Variants in RHD observed in about 807,000 individuals in gnomAD.
RHD encodes Rh blood group D antigen.
Under a neutral mutation model 45.5 loss-of-function variants are expected in RHD, and 16 were observed. The ratio of observed to expected loss-of-function variants is 0.35; its 90% CI spans 0.24 to 0.53. The LOEUF is 0.53. RHD is among the 20% of genes least tolerant of loss of function. The pLI is 0.92. For missense variants in RHD, 306 were observed against 532.0 expected (o/e 0.58, Z 4.18); for synonymous variants, 131 against 217.5 (o/e 0.60, Z 3.50).
Position 25,321,924 on chromosome 1 carries a change from C to T in RHD, c.1189C>T (p.His397Tyr). Reference protein sequence around the residue: ...LLNLKIWKAPHEAKYFDDQVF... With the variant: ...LLNLKIWKAPYEAKYFDDQVF... ...AAATCTTAAAATATGGAAAGCACCT[C>T]ATGAGGCTAAATATTTTGATGACCA... The change falls in exon 9 of 10, where the codon CAT becomes TAT. Residue 397 changes from histidine (H) to tyrosine (Y), a missense_variant. His to Tyr is a moderately conservative substitution (Grantham distance 83). Coordinates refer to ENST00000328664, the MANE Select transcript of RHD (RefSeq NM_016124.6). 1 of 1,337,832 alleles carries T rather than the reference C, an allele frequency of 7.5e-7. No homozygotes were observed. The allele number at this position is 1,337,832 out of a possible 1,614,324, so 82.9% of individuals were successfully genotyped here.
chr1:25,308,012 G>A (rs1416160556), intron 7 of RHD, among the ~76,000 whole-genome samples: 1 of 91,650 alleles, frequency 1.1e-5, no homozygotes, highest in Non-Finnish European at 2.7e-5. Flanking sequence ...TCACATGCCT[G>A]TAGAGAACAG....
At position 25,318,110 on chromosome 1, in the gene RHD, A is replaced by C. The variant is rs551011718; in HGVS notation, c.1153+1031A>C. 2 of 128,520 alleles carry C rather than the reference A, an allele frequency of 1.6e-5. 1 individual carries two copies. Among genetic ancestry groups the C allele is most frequent in the Admixed American group, 1.5e-4 (2 of 13,156 alleles). 8.0% of individuals were successfully genotyped at this position (128,520 alleles called of 1,614,324 possible). On this transcript the variant is annotated intron_variant, in intron 8 of 9. Coordinates refer to ENST00000328664, the MANE Select transcript of RHD (RefSeq NM_016124.6). ...GACCGAAGTGGGCAGATCATCTGAG[A>C]TCAGGATTCAAGACCAGCATGGCCA... is the stretch of plus-strand genomic sequence containing the variant.
Position 25,322,002 on chromosome 1 carries a change from C to A in RHD, c.1227+40C>A, listed in dbSNP as rs569625618. 482 of 1,021,816 alleles carry A rather than the reference C, an allele frequency of 4.7e-4. 27 individuals carry two copies. In the East Asian group the frequency reaches 0.011, roughly 22 times the overall value. The allele number at this position is 1,021,816 out of a possible 1,614,324, so 63.3% of individuals were successfully genotyped here. A position where few individuals can be genotyped will look rare whatever the true frequency, so the allele number is the denominator to read the frequency against. On this transcript the variant is annotated intron_variant, in intron 9 of 9. Transcript: ENST00000328664. ...CTATTAACGTGATAGATTTTGAGTG[C>A]ATGAACTTAAAAACATACCTGAGTA...
intron 7 of RHD, among the ~76,000 whole-genome samples, chr1:25,307,216 G>C (rs567998537): frequency 7.6e-6 from 1 of 132,290 alleles, no homozygotes; most frequent in South Asian, 2.3e-4. Flanking sequence ...GACATGCTAA[G>C]CACAACCCAT....
chr1:25,283,732 T>A (rs1390203368), intron 1 of RHD, among the ~76,000 whole-genome samples: 1 of 133,996 alleles, frequency 7.5e-6, no homozygotes, highest in Admixed American at 7.2e-5. Context: ...TAGGCTGTTA[T>A]AAAGCTCAGA....
chr1:25,321,643 C>G (rs1227682412), intron 8 of RHD, among the ~76,000 whole-genome samples: 1 of 119,424 alleles, frequency 8.4e-6, no homozygotes, highest in African/African-American at 2.7e-5. Flanking sequence ...GTACTCCAGC[C>G]TGGGCGATAG....
rs139204055 is a variant in RHD, at chr1:25,295,931, T to C, written c.487-5015T>C. On this transcript the variant is annotated intron_variant, in intron 3 of 9. Coordinates refer to ENST00000328664, the MANE Select transcript of RHD (RefSeq NM_016124.6). Reference sequence around the variant, plus strand: ...AGGCTGGATTGCAATGTTGCAATCTTGGCTCACTGCAACTTCTGCCTTCCA... The same window carrying C: ...AGGCTGGATTGCAATGTTGCAATCTCGGCTCACTGCAACTTCTGCCTTCCA... Among the ~76,000 whole-genome samples the C allele has an allele frequency of 6.8e-3, 781 of 115,372 alleles. 83 individuals are homozygous for C. The highest frequency in any genetic ancestry group is 0.02 in the African/African-American group (647 of 33,010). 75.7% of individuals were successfully genotyped at this position (115,372 alleles called of 152,430 possible).
intron 7 of RHD, among the ~76,000 whole-genome samples, chr1:25,314,893 GT>G (rs2124077003): frequency 7.6e-6 from 1 of 130,790 alleles, no homozygotes; most frequent in African/African-American, 2.6e-5. Flanking sequence ...TTTATGTTTA[GT>G]TCTTTTATGT....
chr1:25,330,405 C>T lies in RHD; in HGVS notation c.*1481C>T, dbSNP rs538831538. ...GGCAGACCAAGGTTCTTTTTGTTTA[C>T]ATAATACTTGAAAAATAAAAATGAA... On this transcript the variant is annotated 3_prime_UTR_variant, in exon 10 of 10. Transcript: ENST00000328664. 1.6e-4 allele frequency: 21 copies of T among 133,040 alleles called. 2 individuals carry two copies. The highest frequency in any genetic ancestry group is 5.4e-4 in the African/African-American group (21 of 39,106). The allele number at this position is 133,040 out of a possible 1,614,324, so 8.2% of individuals were successfully genotyped here.
intron 7 of RHD, chr1:25,307,797 T>C: frequency 7.7e-7 from 1 of 1,299,978 alleles, no homozygotes; most frequent in Non-Finnish European, 1.1e-6. Flanking sequence ...CCCCAAATTA[T>C]AGGGATCACA....
Position 25,328,936 on chromosome 1 carries a change from C to T in RHD, c.*12C>T, listed in dbSNP as rs774266508. On this transcript the variant is annotated 3_prime_UTR_variant, in exon 10 of 10. Coordinates refer to ENST00000328664, the MANE Select transcript of RHD (RefSeq NM_016124.6). ...CTGTTGGATTTTAAGCAAAAGCATC[C>T]AAGAAAAACAAGGCCTGTTCAAAAA... The T allele has an allele frequency of 7.6e-7, 1 of 1,309,200 alleles. No homozygotes were observed. Among genetic ancestry groups the T allele is most frequent in the South Asian group, 1.2e-5 (1 of 82,720 alleles). 81.1% of individuals were successfully genotyped at this position (1,309,200 alleles called of 1,614,324 possible).
At chr1:25,272,961 C>T (rs1395838156) in intron 1 of RHD, among the ~76,000 whole-genome samples, 3 of 132,020 alleles carry the variant, frequency 2.3e-5, no homozygotes, top group African/African-American at 7.7e-5. Flanking sequence ...CCTCAAATTC[C>T]CTCTACCAAA....
At chr1:25,307,821 G>C in intron 7 of RHD, 1 of 1,302,762 alleles carries the variant, frequency 7.7e-7, no homozygotes, top group South Asian at 1.3e-5. Context: ...CAGTGGGTGA[G>C]ACATCCTTGC....
rs141540728 is a variant in RHD at position 25,301,539 on chromosome 1, G to A, written c.654G>A (p.Met218Ile). The A allele has an allele frequency of 7.3e-7, 1 of 1,378,716 alleles. No homozygotes were observed. Among genetic ancestry groups the A allele is most frequent in the African/African-American group, 1.4e-5 (1 of 70,148 alleles). 85.4% of individuals were successfully genotyped at this position (1,378,716 alleles called of 1,614,324 possible). A position where few individuals can be genotyped will look rare whatever the true frequency, so the allele number is the denominator to read the frequency against. ...SAMLGALFLWMFWPSFNSALL... is the reference protein window; with the variant it reads ...SAMLGALFLWIFWPSFNSALL... ...CCCCAGGCGCCCTCTTCTTGTGGAT[G>A]TTCTGGCCAAGTTTCAACTCTGCTC... The change falls in exon 5 of 10, where the codon ATG (methionine) becomes ATA (isoleucine). Residue 218 changes from methionine (M) to isoleucine (I), a missense_variant. By Grantham distance (10) the Met-to-Ile change is conservative. Coordinates refer to ENST00000328664, the MANE Select transcript of RHD (RefSeq NM_016124.6).
rs1459379614 is a variant in RHD, at chr1:25,329,246, T to TC, written c.*322_*323insC. The TC allele has an allele frequency of 1.6e-6, 1 of 634,340 alleles. No homozygotes were observed. The highest frequency in any genetic ancestry group is 3.3e-5 in the Admixed American group (1 of 29,928). The allele number at this position is 634,340 out of a possible 1,614,324, so 39.3% of individuals were successfully genotyped here. ...TTTATTATTATTCCTTGTTTTTTTT[T>TC]TTTTTTTTTTTTTTTTGAGATGTAG... On this transcript the variant is annotated 3_prime_UTR_variant, in exon 10 of 10. Transcript: ENST00000328664.
rs1251726450 is a variant in RHD at position 25,292,033 on chromosome 1, G to T, written c.486+1242G>T. On this transcript the variant is annotated intron_variant, in intron 3 of 9. Coordinates refer to ENST00000328664, the MANE Select transcript of RHD (RefSeq NM_016124.6). ...AGGCTGGGGTTTGCATCCCAGCTCT[G>T]CCATAAATCCCTGTGTGACTCTGGG... 3.5e-4 allele frequency among the ~76,000 whole-genome samples: 46 copies of T among 132,800 alleles called. 8 individuals are homozygous for T. Among genetic ancestry groups the T allele is most frequent in the African/African-American group, 1.2e-3 (45 of 38,996 alleles). 87.1% of individuals were successfully genotyped at this position (132,800 alleles called of 152,430 possible).
rs200563434 is a variant in RHD, at chr1:25,314,438, TG to T, written c.1074-2561del. On this transcript the variant is annotated intron_variant, in intron 7 of 9. Transcript: ENST00000328664. ...GTGTTCTGTCTTTTTCTTATTGATTTGTAGGAATTCCTTACGTATCCTGGAT... is the reference window on the plus strand; with the variant it reads ...GTGTTCTGTCTTTTTCTTATTGATTTTAGGAATTCCTTACGTATCCTGGAT... Among the ~76,000 whole-genome samples, 27 of 133,172 alleles carry T rather than the reference TG, an allele frequency of 2.0e-4. 7 individuals carry two copies. Among genetic ancestry groups the T allele is most frequent in the African/African-American group, 4.3e-4 (17 of 39,194 alleles). 87.4% of individuals were successfully genotyped at this position (133,172 alleles called of 152,430 possible).
chr1:25,286,888 T>A (rs113644110), intron 2 of RHD, among the ~76,000 whole-genome samples: 2,658 of 132,778 alleles, frequency 0.02, 370 homozygotes, highest in African/African-American at 0.065. Flanking sequence ...AGGTCAGGAG[T>A]CCGAGACCAA....
At chr1:25,287,880 GCCCT>G (rs1387762555) in intron 2 of RHD, among the ~76,000 whole-genome samples, 3 of 126,238 alleles carry the variant, frequency 2.4e-5, no homozygotes, top group African/African-American at 7.9e-5. Flanking sequence ...CTGCTACCAT[GCCCT>G]GCTAATTTTT....
Sources: gnomAD v4.1 joint callset for allele counts (sites outside exome capture counted in the v4.1 genomes callset) on GRCh38, gnomAD v4.1.1 for gene constraint, MANE v1.5 for transcripts, NCBI Gene and HGNC (gene_info 2026-07-23, HGNC 2026-07-21) for gene names.